Variants in PTPRG observed in about 807,000 individuals in gnomAD.
The protein encoded by PTPRG is protein tyrosine phosphatase receptor type G, also known as receptor-type tyrosine-protein phosphatase gamma.
Under a neutral mutation model 165.3 loss-of-function variants are expected in PTPRG, and 102 were observed. The ratio of observed to expected loss-of-function variants is 0.62; its 90% CI spans 0.53 to 0.73. PTPRG has a LOEUF of 0.73. Among genes scored for constraint, PTPRG ranks in the 30% least tolerant of loss-of-function variants. The probability of loss-of-function intolerance (pLI) is 0.00; values close to 1 mark genes in which losing one functional copy is unlikely to be tolerated. For synonymous variants in PTPRG, 675 were observed against 669.5 expected, an observed-to-expected ratio of 1.01 and a Z score of -0.13; for missense variants, 1,866 against 1,861.4, an observed-to-expected ratio of 1.00 and a Z score of -0.05.
intron 5 of PTPRG, among the ~76,000 whole-genome samples, chr3:62,101,247 G>A (rs931391415): frequency 2.0e-5 from 3 of 152,106 alleles, no homozygotes; most frequent in Admixed American, 6.5e-5. Context: ...TAGTATCTCA[G>A]CAATTCTATT....
At chr3:62,277,974 T>C (rs1215775398) in intron 26 of PTPRG, among the ~76,000 whole-genome samples, 1 of 152,132 alleles carries the variant, frequency 6.6e-6, no homozygotes. Flanking sequence ...AATATATGAC[T>C]ACACCAACCT....
intron 2 of PTPRG, among the ~76,000 whole-genome samples, chr3:61,833,113 C>T (rs1038890399): frequency 1.5e-5 from 2 of 136,494 alleles, no homozygotes; most frequent in African/African-American, 6.6e-5. Flanking sequence ...TTTCTTTATC[C>T]ACGTGTTGAT....
In PTPRG at chr3:62,228,042, G is replaced by T. The variant is rs537423224; in HGVS notation, c.2289-3183G>T. Among the ~76,000 whole-genome samples, 5 of 151,986 alleles carry T rather than the reference G, an allele frequency of 3.3e-5. No individual in the cohort carries two copies. The highest frequency in any genetic ancestry group is 5.9e-5 in the Non-Finnish European group (4 of 68,000). ...CAGTTTGCCAGTCTCTGCCCTCCCCGCTATTCCCTGCCTGTTTGGCCCCTG... is the reference window on the plus strand; with the variant it reads ...CAGTTTGCCAGTCTCTGCCCTCCCCTCTATTCCCTGCCTGTTTGGCCCCTG... On this transcript the variant is annotated intron_variant, in intron 13 of 29. Transcript: ENST00000474889. This position sits in a 1 kb window ranked among gnomAD's most constrained non-coding sequence, Gnocchi z 4.1.
intron 1 of PTPRG, among the ~76,000 whole-genome samples, chr3:61,590,250 G>A (rs1043171622): frequency 1.3e-5 from 2 of 151,368 alleles, no homozygotes; most frequent in Non-Finnish European, 2.9e-5. Flanking sequence ...GGCTGGGTGC[G>A]GTGGCTCACG....
intron 1 of PTPRG, among the ~76,000 whole-genome samples, chr3:61,731,581 T>C (rs1012987208): frequency 6.6e-6 from 1 of 151,998 alleles, no homozygotes; most frequent in Non-Finnish European, 1.5e-5. Context: ...TCTCCTGACC[T>C]CGTGATCTGC....
chr3:62,113,516 A>T (rs1227178441), intron 5 of PTPRG, among the ~76,000 whole-genome samples: 1 of 152,240 alleles, frequency 6.6e-6, no homozygotes, highest in East Asian at 1.9e-4. Context: ...TTATATATAA[A>T]AATATGAAAA....
chr3:62,246,530 A>C (rs1352917060), intron 15 of PTPRG, among the ~76,000 whole-genome samples: 2 of 152,134 alleles, frequency 1.3e-5, no homozygotes, highest in African/African-American at 4.8e-5. Flanking sequence ...TCACTGTTCT[A>C]TTCTTTAGGA....
chr3:62,247,182 TGAA>T (rs1701305813), intron 15 of PTPRG, among the ~76,000 whole-genome samples: 1 of 152,148 alleles, frequency 6.6e-6, no homozygotes, highest in Non-Finnish European at 1.5e-5. Flanking sequence ...ATTTTCTGGA[TGAA>T]GAAACTGAGG....
intron 2 of PTPRG, among the ~76,000 whole-genome samples, chr3:61,835,898 G>C (rs552708919): frequency 3.3e-5 from 5 of 151,760 alleles, no homozygotes; most frequent in African/African-American, 1.2e-4. Context: ...AAATTAGCCA[G>C]GCATGGTGGC....
At chr3:61,657,476 A>G (rs922633021) in intron 1 of PTPRG, among the ~76,000 whole-genome samples, 1 of 152,138 alleles carries the variant, frequency 6.6e-6, no homozygotes, top group African/African-American at 2.4e-5. Flanking sequence ...CTCTACACAA[A>G]ATAAAATAAA....
intron 4 of PTPRG, among the ~76,000 whole-genome samples, chr3:62,008,759 A>G (rs2041352836): frequency 6.6e-6 from 1 of 152,194 alleles, no homozygotes; most frequent in South Asian, 2.1e-4. Flanking sequence ...CAAAAGGAGC[A>G]TGCAGCCTAG....
rs540239293 is a variant in PTPRG at position 62,157,082 on chromosome 3, T to C, written c.698T>C (p.Leu233Pro). ...CCCCAAACAGAGAAGGAGACCTTTCTGGATCCTTTCGTCCTCCGGGACCTC... is the reference window on the plus strand; with the variant it reads ...CCCCAAACAGAGAAGGAGACCTTTCCGGATCCTTTCGTCCTCCGGGACCTC... ...GVVHHEKETF[L>P]DPFVLRDLLP... is the part of the protein sequence containing the mutation. The change falls in exon 7 of 30, where the codon CTG becomes CCG. Residue 233 changes from leucine (L) to proline (P), a missense_variant. Transcript: ENST00000474889. 1.2e-6 allele frequency: 2 copies of C among 1,607,038 alleles called. No individual in the cohort carries two copies. The highest frequency in any genetic ancestry group is 1.7e-5 in the Admixed American group (1 of 60,000).
chr3:61,620,980 C>T (rs1234712394), intron 1 of PTPRG, among the ~76,000 whole-genome samples: 2 of 150,274 alleles, frequency 1.3e-5, no homozygotes, highest in Admixed American at 6.7e-5. Flanking sequence ...CTTCACTGAT[C>T]CCATTGCCTT....
At chr3:62,241,526 G>C (rs959278474) in intron 14 of PTPRG, among the ~76,000 whole-genome samples, 7 of 152,092 alleles carry the variant, frequency 4.6e-5, no homozygotes, top group Non-Finnish European at 7.3e-5. Context: ...GCAGCACATG[G>C]GGCACTAGAG....
chr3:61,891,452 T>A (rs952024603), intron 2 of PTPRG, among the ~76,000 whole-genome samples: 7 of 152,350 alleles, frequency 4.6e-5, no homozygotes, highest in African/African-American at 1.7e-4. Flanking sequence ...TTTCTATGTG[T>A]AAACCATTTA....
intron 1 of PTPRG, among the ~76,000 whole-genome samples, chr3:61,563,171 C>T (rs1424880544): frequency 6.7e-6 from 1 of 149,792 alleles, no homozygotes; most frequent in Non-Finnish European, 1.5e-5. Context: ...GCGGTTTCGG[C>T]GGCCGGGTTG....
Position 61,734,730 on chromosome 3 carries a change from G to A in PTPRG, c.86-14148G>A, listed in dbSNP as rs1037249864. ...TTTATTAAAAATAAAAAAGGAAACT[G>A]CCTTTTTGTTCTCCTTCCTATCCCA... On this transcript the variant is annotated intron_variant, in intron 1 of 29. Coordinates refer to ENST00000474889, the MANE Select transcript of PTPRG (RefSeq NM_002841.4). Among the ~76,000 whole-genome samples, 6 of 152,252 alleles carry A rather than the reference G, an allele frequency of 3.9e-5. No individual in the cohort carries two copies. The South Asian group carries it at 8.3e-4, about 21-fold the overall frequency.
At chr3:61,796,622 C>T (rs1002126548) in intron 2 of PTPRG, among the ~76,000 whole-genome samples, 1 of 152,142 alleles carries the variant, frequency 6.6e-6, no homozygotes, top group African/African-American at 2.4e-5. Flanking sequence ...GTGTTTGTTG[C>T]CCGCACCTTT....
rs569663882 is a variant in PTPRG, at chr3:61,805,547, A to G, written c.190+56565A>G. On this transcript the variant is annotated intron_variant, in intron 2 of 29. Coordinates refer to ENST00000474889, the MANE Select transcript of PTPRG (RefSeq NM_002841.4). ...GGGAAAGACAAAAAAAAAAAAAAAA[A>G]AAAATCAAAGTGCCCCATGGCACAA... Among the ~76,000 whole-genome samples the G allele has an allele frequency of 2.9e-3, 446 of 152,002 alleles. 7 individuals carry two copies. The highest frequency in any genetic ancestry group is 0.026 in the Admixed American group (402 of 15,240).
Sources: gnomAD v4.1 joint callset for allele counts (sites outside exome capture counted in the v4.1 genomes callset) on GRCh38, gnomAD v4.1.1 for gene constraint, Gnocchi (gnomAD v3.1) non-coding constraint, MANE v1.5 for transcripts, NCBI Gene and HGNC (gene_info 2026-07-23, HGNC 2026-07-21) for gene names.